PLEKHB2: variants seen among roughly 807,000 people sequenced by gnomAD.
PLEKHB2 encodes the protein pleckstrin homology domain containing B2, also known as pleckstrin homology domain-containing family B member 2.
A neutral mutation model predicts 36.5 loss-of-function variants in PLEKHB2; 31 were observed. The ratio of observed to expected loss-of-function variants is 0.85; its 90% CI spans 0.64 to 1.15. The LOEUF is 1.15. Ranked by LOEUF, PLEKHB2 falls within the 50% of genes most tolerant of loss-of-function variation. The probability of loss-of-function intolerance (pLI) is 0.00; values close to 1 mark genes in which losing one functional copy is unlikely to be tolerated. For missense variants in PLEKHB2, 262 were observed against 295.3 expected (o/e 0.89, Z 0.83); for synonymous variants, 119 against 112.0 (o/e 1.06, Z -0.39).
In PLEKHB2 at chr2:131,148,761, A is replaced by T. The variant is rs1699475646; in HGVS notation, c.*1988A>T. 1 of 152,238 alleles carries T rather than the reference A, an allele frequency of 6.6e-6. No individual in the cohort carries two copies. The highest frequency in any genetic ancestry group is 2.4e-5 in the African/African-American group (1 of 41,462). The allele number at this position is 152,238 out of a possible 1,614,324, so 9.4% of individuals were successfully genotyped here. A position where few individuals can be genotyped will look rare whatever the true frequency, so the allele number is the denominator to read the frequency against. ...TTATCTCTCATCTCTGAATAGATGT[A>T]TGACAACTCTAGTGTCCATGGTTTA... On this transcript the variant is annotated 3_prime_UTR_variant, in exon 8 of 8. Transcript: ENST00000693505.
At chr2:131,140,126 G>A in intron 6 of PLEKHB2, 41 bp from the exon 7 acceptor site, 1 of 1,194,418 alleles carries the variant, frequency 8.4e-7, no homozygotes, top group South Asian at 1.3e-5. Context: ...CATTACCAGA[G>A]GTTTCACAAT....
chr2:131,115,198 C>T (rs1371788784), intron 1 of PLEKHB2, among the ~76,000 whole-genome samples: 2 of 152,122 alleles, frequency 1.3e-5, no homozygotes, highest in Non-Finnish European at 2.9e-5. Context: ...GAGACTTATT[C>T]ACTACCATGA....
intron 1 of PLEKHB2, among the ~76,000 whole-genome samples, chr2:131,112,203 T>C (rs1207254777): frequency 1.3e-5 from 2 of 152,176 alleles, no homozygotes; most frequent in Admixed American, 6.6e-5. Flanking sequence ...ATCATGCTAA[T>C]GTAATGAGGC....
intron 1 of PLEKHB2, among the ~76,000 whole-genome samples, chr2:131,111,325 C>A (rs1695295632): frequency 6.6e-6 from 1 of 150,608 alleles, no homozygotes; most frequent in African/African-American, 2.4e-5. Flanking sequence ...TTTTATATTC[C>A]AGGCTCATCC....
At chr2:131,143,334 G>A (rs1484762425) in intron 7 of PLEKHB2, among the ~76,000 whole-genome samples, 1 of 152,084 alleles carries the variant, frequency 6.6e-6, no homozygotes, top group African/African-American at 2.4e-5. Context: ...AAATGTAAAC[G>A]TTTTCAAACA....
At chr2:131,126,354 C>T (rs1318781955) in intron 3 of PLEKHB2, among the ~76,000 whole-genome samples, 2 of 152,120 alleles carry the variant, frequency 1.3e-5, no homozygotes, top group Admixed American at 6.5e-5. Context: ...GGTGAAACCC[C>T]AACTCTACTA....
intron 4 of PLEKHB2, among the ~76,000 whole-genome samples, chr2:131,128,058 C>T (rs1365946086): frequency 6.6e-6 from 1 of 152,188 alleles, no homozygotes; most frequent in Admixed American, 6.5e-5. Flanking sequence ...AAAAGACTTA[C>T]TCGGTCTCAG....
At chr2:131,119,368 C>G (rs1696227700) in intron 1 of PLEKHB2, among the ~76,000 whole-genome samples, 1 of 152,160 alleles carries the variant, frequency 6.6e-6, no homozygotes, top group South Asian at 2.1e-4. Flanking sequence ...CATTTTGTTT[C>G]CAGAGACACA....
intron 5 of PLEKHB2, among the ~76,000 whole-genome samples, chr2:131,132,563 G>T (rs1474101778): frequency 6.6e-6 from 1 of 152,008 alleles, no homozygotes; most frequent in Non-Finnish European, 1.5e-5. Flanking sequence ...CCTCCCCAAA[G>T]TGTTGGGATT....
At chr2:131,124,818 C>T (rs929144127) in intron 2 of PLEKHB2, among the ~76,000 whole-genome samples, 1 of 151,316 alleles carries the variant, frequency 6.6e-6, no homozygotes, top group East Asian at 1.9e-4. Flanking sequence ...CGGAGTGTTG[C>T]TCTGTCCCCC....
At chr2:131,120,853 G>T in intron 1 of PLEKHB2, 81 bp from the exon 2 acceptor site, 3 of 1,397,666 alleles carry the variant, frequency 2.1e-6, no homozygotes, top group African/African-American at 1.4e-5. Flanking sequence ...GATGCTGAAG[G>T]GGATAAGGAT....
At chr2:131,121,785 CTTTT>C (rs974143624) in intron 2 of PLEKHB2, among the ~76,000 whole-genome samples, 4 of 152,060 alleles carry the variant, frequency 2.6e-5, no homozygotes, top group African/African-American at 9.7e-5. Flanking sequence ...AGACTCAGTT[CTTTT>C]TTTATGGGAT....
At chr2:131,109,703 CA>C (rs539488253) in intron 1 of PLEKHB2, among the ~76,000 whole-genome samples, 90 of 150,842 alleles carry the variant, frequency 6.0e-4, no homozygotes, top group African/African-American at 2.1e-3. Context: ...AACAAACAAA[CA>C]AAAAAAACAA....
intron 7 of PLEKHB2, among the ~76,000 whole-genome samples, chr2:131,141,872 A>C (rs1409454009): frequency 6.6e-6 from 1 of 152,218 alleles, no homozygotes; most frequent in Non-Finnish European, 1.5e-5. Flanking sequence ...TGGTCACAAA[A>C]ACATCACCAC....
intron 1 of PLEKHB2, among the ~76,000 whole-genome samples, chr2:131,110,318 T>C (rs1001402845): frequency 2.1e-4 from 27 of 128,574 alleles, no homozygotes; most frequent in African/African-American, 8.8e-4. Context: ...GTCTGGACTG[T>C]TTTTTTTTTT....
chr2:131,137,101 C>T (rs1039907864), intron 6 of PLEKHB2, among the ~76,000 whole-genome samples: 28 of 151,698 alleles, frequency 1.8e-4, no homozygotes, highest in African/African-American at 6.3e-4. Context: ...CGCCTGCCAC[C>T]ACACCCGGCT....
At chr2:131,123,172 T>C (rs1696695104) in intron 2 of PLEKHB2, among the ~76,000 whole-genome samples, 1 of 152,224 alleles carries the variant, frequency 6.6e-6, no homozygotes, top group African/African-American at 2.4e-5. Flanking sequence ...GAAGTGTGTA[T>C]TCAGACGATT....
intron 7 of PLEKHB2, among the ~76,000 whole-genome samples, chr2:131,141,330 T>C (rs1310699876): frequency 6.6e-6 from 1 of 151,930 alleles, no homozygotes; most frequent in Admixed American, 6.6e-5. Context: ...TCATGTCAAG[T>C]TGAAAACCAT....
intron 1 of PLEKHB2, among the ~76,000 whole-genome samples, chr2:131,110,046 T>C (rs1382553383): frequency 1.3e-5 from 2 of 151,188 alleles, no homozygotes; most frequent in East Asian, 3.9e-4. Flanking sequence ...ACCTGGGAGG[T>C]GGAGGTTGCA....
Sources: allele counts gnomAD v4.1 joint callset (sites outside exome capture counted in the v4.1 genomes callset), GRCh38; gene constraint gnomAD v4.1.1; transcripts MANE v1.5; gene names NCBI Gene and HGNC (gene_info 2026-07-23, HGNC 2026-07-21).